ELP3: variants seen among roughly 807,000 people sequenced by gnomAD.
The protein encoded by ELP3 is elongator complex protein 3.
ELP3 carries 56 observed loss-of-function variants against 74.9 expected under a neutral mutation model. That is an observed-to-expected ratio of 0.75 (90% CI 0.60 to 0.93). The LOEUF is 0.93. ELP3 is among the 40% of genes least tolerant of loss of function. The pLI, the probability that ELP3 is intolerant of heterozygous loss-of-function variation, is 0.00. For missense variants in ELP3, 573 were observed against 686.5 expected (o/e 0.83, Z 1.85); for synonymous variants, 222 against 239.8 (o/e 0.93, Z 0.68).
intron 13 of ELP3, among the ~76,000 whole-genome samples, chr8:28,161,093 C>T (rs1022517506): frequency 1.3e-5 from 2 of 152,182 alleles, no homozygotes; most frequent in Non-Finnish European, 2.9e-5. Flanking sequence ...TGGGAAAGCA[C>T]TTATGAAACA....
At chr8:28,179,964 G>A (rs1175530217) in intron 14 of ELP3, among the ~76,000 whole-genome samples, 2 of 152,138 alleles carry the variant, frequency 1.3e-5, no homozygotes, top group African/African-American at 4.8e-5. Context: ...CTTATTTCCT[G>A]GCTTTTAATG....
intron 9 of ELP3, among the ~76,000 whole-genome samples, chr8:28,136,394 A>G (rs1445843120): frequency 1.3e-5 from 2 of 152,242 alleles, no homozygotes; most frequent in Non-Finnish European, 2.9e-5. Flanking sequence ...TGTCTCCGAA[A>G]CTTATTATAC....
At chr8:28,093,556 G>C (rs759007146) in intron 1 of ELP3, 15 of 406,202 alleles carry the variant, frequency 3.7e-5, no homozygotes, top group Non-Finnish European at 6.2e-5. Context: ...CATTTGTTAA[G>C]ATTTGTTTCA....
At chr8:28,145,726 C>T (rs556670327) in intron 10 of ELP3, among the ~76,000 whole-genome samples, 3 of 152,346 alleles carry the variant, frequency 2.0e-5, no homozygotes, top group Non-Finnish European at 2.9e-5. Flanking sequence ...CAGGTTCAAG[C>T]AATTCTCCTG....
chr8:28,143,983 A>G (rs1263593316), intron 10 of ELP3, among the ~76,000 whole-genome samples: 1 of 152,158 alleles, frequency 6.6e-6, no homozygotes. Context: ...TGGGTGCTTT[A>G]TAGTATTTTT....
intron 10 of ELP3, among the ~76,000 whole-genome samples, chr8:28,153,670 A>G (rs1813720937): frequency 6.6e-6 from 1 of 152,140 alleles, no homozygotes; most frequent in Non-Finnish European, 1.5e-5. Flanking sequence ...TGGGCTGGGT[A>G]GGCTCCGTGG....
intron 5 of ELP3, among the ~76,000 whole-genome samples, chr8:28,110,055 A>G (rs1349842865): frequency 6.6e-6 from 1 of 152,206 alleles, no homozygotes; most frequent in Non-Finnish European, 1.5e-5. Context: ...TGATTCTGGT[A>G]TATGTATGCA....
intron 14 of ELP3, among the ~76,000 whole-genome samples, chr8:28,181,057 C>T (rs1006058138): frequency 2.6e-5 from 4 of 152,182 alleles, no homozygotes; most frequent in African/African-American, 9.7e-5. Context: ...AGATCAAACA[C>T]TTCTACTCCC....
Position 28,187,617 on chromosome 8 carries a change from T to TC in ELP3, c.1568-2025dup, listed in dbSNP as rs919675592. ...GTTTTTCCTGCTCCCTAGAATCCTG[T>TC]CCCCCCCATGTAGCCTCAGGCCTTT... On this transcript the variant is annotated intron_variant, in intron 14 of 14. Transcript: ENST00000256398. 6.6e-5 allele frequency among the ~76,000 whole-genome samples: 10 copies of TC among 152,186 alleles called. No individual in the cohort carries two copies. The East Asian group carries it at 1.4e-3, about 21-fold the overall frequency.
chr8:28,104,955 CTGTTA>C, intron 3 of ELP3, among the ~76,000 whole-genome samples: 1 of 152,314 alleles, frequency 6.6e-6, no homozygotes, highest in East Asian at 1.9e-4. Flanking sequence ...GGGTTATCAT[CTGTTA>C]CTATTTATTT....
At position 28,188,180 on chromosome 8, in the gene ELP3, C is replaced by T. The variant is rs192065210; in HGVS notation, c.1568-1469C>T. ...CTGTCTCACTCCCAGGCACAGACAG[C>T]CGGGCTGTTTGAGGAATGCGTCCAA... On this transcript the variant is annotated intron_variant, in intron 14 of 14. Transcript: ENST00000256398. Among the ~76,000 whole-genome samples, 656 of 152,342 alleles carry T rather than the reference C, an allele frequency of 4.3e-3. 6 individuals are homozygous for T. The highest frequency in any genetic ancestry group is 6.3e-3 in the Non-Finnish European group (430 of 68,020).
chr8:28,098,489 G>A (rs1483689583), intron 2 of ELP3, among the ~76,000 whole-genome samples: 2 of 151,336 alleles, frequency 1.3e-5, no homozygotes, highest in African/African-American at 4.9e-5. Flanking sequence ...TTCTTTTTTT[G>A]TTGGTTATAC....
chr8:28,110,459 T>A, intron 6 of ELP3, 21 bp downstream of exon 6: 1 of 1,593,106 alleles, frequency 6.3e-7, no homozygotes, highest in Non-Finnish European at 8.6e-7. Context: ...AAAAAACATG[T>A]TTCTTAAAAA....
chr8:28,118,620 G>T (rs1490487756), intron 7 of ELP3, among the ~76,000 whole-genome samples: 1 of 152,196 alleles, frequency 6.6e-6, no homozygotes, highest in South Asian at 2.1e-4. Context: ...CTCTGGAGAT[G>T]AAAAAGACCG....
Position 28,133,905 on chromosome 8 carries a change from C to T in ELP3, c.906+1501C>T, listed in dbSNP as rs150399645. On this transcript the variant is annotated intron_variant, in intron 9 of 14. Transcript: ENST00000256398. ...CCTCAGTAACTAATAGCCAGGTGCT[C>T]AGACACCAGGCCAAAAAGGCACCTG... Among the ~76,000 whole-genome samples the T allele has an allele frequency of 2.4e-3, 365 of 152,150 alleles. 1 individual carries two copies. The highest frequency in any genetic ancestry group is 8.4e-3 in the African/African-American group (349 of 41,502).
chr8:28,103,903 G>GT (rs1037847243), intron 3 of ELP3, among the ~76,000 whole-genome samples: 2 of 152,014 alleles, frequency 1.3e-5, no homozygotes, highest in Non-Finnish European at 2.9e-5. Context: ...TAATTTTTGT[G>GT]TTTTTTGTAG....
chr8:28,134,415 G>A (rs1324146053), intron 9 of ELP3, among the ~76,000 whole-genome samples: 1 of 152,144 alleles, frequency 6.6e-6, no homozygotes, highest in Non-Finnish European at 1.5e-5. Flanking sequence ...AACTCACAGG[G>A]AATATGAGTG....
intron 7 of ELP3, chr8:28,129,257 G>C: frequency 2.5e-6 from 1 of 397,796 alleles, no homozygotes; most frequent in Non-Finnish European, 4.6e-6. Context: ...TCAATCTTAT[G>C]AGGTGTAGAT....
chr8:28,090,337 G>C, upstream of ELP3: 1 of 388,692 alleles, frequency 2.6e-6, no homozygotes, highest in Non-Finnish European at 5.0e-6. Context: ...AGTCTGGTGA[G>C]TGTAGTGCCC....
Sources: gnomAD v4.1 joint callset for allele counts (sites outside exome capture counted in the v4.1 genomes callset) on GRCh38, gnomAD v4.1.1 for gene constraint, MANE v1.5 for transcripts, NCBI Gene and HGNC (gene_info 2026-07-23, HGNC 2026-07-21) for gene names.